Variants in COL8A1 observed in about 807,000 individuals in gnomAD.
The protein encoded by COL8A1 is collagen type VIII alpha 1 chain.
COL8A1 carries 21 observed loss-of-function variants against 42.7 expected under a neutral mutation model. That is an observed-to-expected ratio of 0.49 (90% confidence interval 0.35 to 0.71). The LOEUF is 0.71. Among genes scored for constraint, COL8A1 ranks in the 30% least tolerant of loss-of-function variants. The pLI is 0.01. For missense variants in COL8A1, 788 were observed against 962.4 expected, an observed-to-expected ratio of 0.82 and a Z score of 2.40; for synonymous variants, 367 against 369.1, an observed-to-expected ratio of 0.99 and a Z score of 0.06.
In COL8A1 at chr3:99,651,853, C is replaced by G. The variant is rs140944959; in HGVS notation, c.-129+13189C>G. On this transcript the variant is annotated intron_variant, in intron 1 of 3. Coordinates refer to ENST00000652472, the MANE Select transcript of COL8A1 (RefSeq NM_020351.4). The stretch of plus-strand genomic sequence containing the variant: ...TCAGCTGTATCTTTTCCATTCGCAG[C>G]TAAGTTTACTTGGAATGACTGGAAA... Among the ~76,000 whole-genome samples the G allele has an allele frequency of 1.4e-4, 21 of 152,276 alleles. No individual in the cohort carries two copies. The East Asian group carries it at 3.1e-3, about 22-fold the overall frequency.
intron 1 of COL8A1, among the ~76,000 whole-genome samples, chr3:99,713,625 A>G (rs949828474): frequency 6.6e-6 from 1 of 152,068 alleles, no homozygotes; most frequent in African/African-American, 2.4e-5. Context: ...GATCCTGGGC[A>G]TTGGGCAACC....
chr3:99,639,035 A>G (rs1466864398), intron 1 of COL8A1, among the ~76,000 whole-genome samples: 1 of 152,222 alleles, frequency 6.6e-6, no homozygotes, highest in Non-Finnish European at 1.5e-5. Flanking sequence ...TCAAAAATGT[A>G]CTTTAAAAGA....
chr3:99,690,805 G>T (rs187464114), intron 1 of COL8A1, among the ~76,000 whole-genome samples: 12 of 152,344 alleles, frequency 7.9e-5, no homozygotes, highest in African/African-American at 2.9e-4. Flanking sequence ...CACGGAATTA[G>T]CAAACAGGAT....
chr3:99,674,908 C>T (rs545154503), intron 1 of COL8A1, among the ~76,000 whole-genome samples: 18 of 152,020 alleles, frequency 1.2e-4, no homozygotes, highest in African/African-American at 4.1e-4. Flanking sequence ...CAAGACACAC[C>T]CATAGCATTA....
chr3:99,683,483 T>G (rs951915568), intron 1 of COL8A1, among the ~76,000 whole-genome samples: 1 of 152,228 alleles, frequency 6.6e-6, no homozygotes, highest in Admixed American at 6.5e-5. Context: ...AAATAAGTTT[T>G]TGTTTCATTT....
chr3:99,743,925 T>A (rs1940960013), intron 1 of COL8A1, among the ~76,000 whole-genome samples: 1 of 151,396 alleles, frequency 6.6e-6, no homozygotes, highest in South Asian at 2.1e-4. Context: ...CAAATGTAGA[T>A]AATTCTTTTT....
intron 2 of COL8A1, among the ~76,000 whole-genome samples, chr3:99,769,175 C>T (rs1941529296): frequency 6.6e-6 from 1 of 152,174 alleles, no homozygotes; most frequent in Admixed American, 6.5e-5. Context: ...GTTGACAACT[C>T]TTCATAGTAG....
At chr3:99,791,067 TG>T in intron 3 of COL8A1, 57 bp downstream of exon 3, 7 of 1,470,800 alleles carry the variant, frequency 4.8e-6, no homozygotes, top group Middle Eastern at 1.8e-4. Flanking sequence ...CTCTAAATTA[TG>T]GGATCAGAGG....
intron 1 of COL8A1, among the ~76,000 whole-genome samples, chr3:99,675,976 T>C (rs186330144): frequency 8.5e-5 from 13 of 152,214 alleles, no homozygotes; most frequent in Admixed American, 7.9e-4. Context: ...AAAGAATGAA[T>C]AATCATATCT....
chr3:99,792,521 T>C (rs1206744556), intron 3 of COL8A1, among the ~76,000 whole-genome samples: 1 of 152,242 alleles, frequency 6.6e-6, no homozygotes, highest in East Asian at 1.9e-4. Flanking sequence ...CAGCACGTGC[T>C]GTGTATTTCA....
intron 2 of COL8A1, among the ~76,000 whole-genome samples, chr3:99,781,637 G>A (rs1056646085): frequency 6.6e-6 from 1 of 152,052 alleles, no homozygotes; most frequent in African/African-American, 2.4e-5. Flanking sequence ...CTTGCAAAAG[G>A]CCTTAAAACA....
At chr3:99,699,193 C>G (rs1015650776) in intron 1 of COL8A1, among the ~76,000 whole-genome samples, 6 of 152,208 alleles carry the variant, frequency 3.9e-5, no homozygotes, top group African/African-American at 1.4e-4. Flanking sequence ...TTTGCTACTA[C>G]CCAACAGCCA....
At chr3:99,664,962 C>T (rs1381514318) in intron 1 of COL8A1, among the ~76,000 whole-genome samples, 1 of 152,152 alleles carries the variant, frequency 6.6e-6, no homozygotes, top group Non-Finnish European at 1.5e-5. Flanking sequence ...CTTCAGATGC[C>T]AGGTCCCACC....
At chr3:99,741,942 C>A (rs1940910526) in intron 1 of COL8A1, among the ~76,000 whole-genome samples, 1 of 152,142 alleles carries the variant, frequency 6.6e-6, no homozygotes, top group African/African-American at 2.4e-5. Context: ...AGGAATAAAG[C>A]AAACTCCCCT....
Position 99,748,056 on chromosome 3 carries a change from T to C in COL8A1, c.-4+3035T>C, listed in dbSNP as rs138162622. On this transcript the variant is annotated intron_variant, in intron 2 of 3. Coordinates refer to ENST00000652472, the MANE Select transcript of COL8A1 (RefSeq NM_020351.4). ...GCACTTTCACATACAATATCTTATT[T>C]AATCTTCCCCGCAGCTTCCTGAAAA... is the stretch of plus-strand genomic sequence containing the variant. Among the ~76,000 whole-genome samples the C allele has an allele frequency of 4.4e-3, 675 of 152,356 alleles. 6 individuals are homozygous for C. The highest frequency in any genetic ancestry group is 0.015 in the African/African-American group (635 of 41,590).
At chr3:99,657,263 T>C (rs1938051963) in intron 1 of COL8A1, among the ~76,000 whole-genome samples, 1 of 152,226 alleles carries the variant, frequency 6.6e-6, no homozygotes, top group Non-Finnish European at 1.5e-5. Context: ...TTAGACGTTG[T>C]CACAATCTAA....
At position 99,685,276 on chromosome 3, in the gene COL8A1, A is replaced by G. The variant is rs188211257; in HGVS notation, c.-129+46612A>G. Among the ~76,000 whole-genome samples the G allele has an allele frequency of 1.3e-3, 192 of 152,308 alleles. 1 individual carries two copies. Among genetic ancestry groups the G allele is most frequent in the African/African-American group, 4.3e-3 (179 of 41,576 alleles). ...GAATAAGAATTTACATGCTTTTGGTATGCCCCAAATCTTAATATCTTCCAA... is the reference window on the plus strand; with the variant it reads ...GAATAAGAATTTACATGCTTTTGGTGTGCCCCAAATCTTAATATCTTCCAA... On this transcript the variant is annotated intron_variant, in intron 1 of 3. Transcript: ENST00000652472.
chr3:99,677,127 A>G lies in COL8A1; in HGVS notation c.-129+38463A>G, dbSNP rs547159406. Among the ~76,000 whole-genome samples the G allele has an allele frequency of 4.0e-4, 61 of 151,534 alleles. 2 individuals are homozygous for G. Among genetic ancestry groups the G allele is most frequent in the Non-Finnish European group, 2.9e-5 (2 of 67,878 alleles). On this transcript the variant is annotated intron_variant, in intron 1 of 3. Transcript: ENST00000652472. The stretch of plus-strand genomic sequence containing the variant: ...ATATGTAACCTATATATATAATTAT[A>G]TATAAACACATCAATTACATATATA...
At chr3:99,701,199 T>A (rs896949368) in intron 1 of COL8A1, among the ~76,000 whole-genome samples, 1 of 152,194 alleles carries the variant, frequency 6.6e-6, no homozygotes, top group Non-Finnish European at 1.5e-5. Flanking sequence ...AAGAAAAAGA[T>A]CAGTCTTGAA....
Sources: gnomAD v4.1 joint callset for allele counts (sites outside exome capture counted in the v4.1 genomes callset) on GRCh38, gnomAD v4.1.1 for gene constraint, MANE v1.5 for transcripts, NCBI Gene and HGNC (gene_info 2026-07-23, HGNC 2026-07-21) for gene names.